The following ZC3H13 variants were observed in gnomAD, a reference collection of about 807,000 sequenced individuals.
ZC3H13 encodes zinc finger CCCH domain-containing protein 13.
Under a neutral mutation model 204.1 loss-of-function variants are expected in ZC3H13, and 64 were observed. The ratio of observed to expected loss-of-function variants is 0.31; its 90% CI spans 0.26 to 0.39. The LOEUF is 0.39. Among genes scored for constraint, ZC3H13 ranks in the 10% least tolerant of loss-of-function variants. The pLI is 1.00. For missense variants in ZC3H13, 1,833 were observed against 2,082.7 expected, an observed-to-expected ratio of 0.88 and a Z score of 2.33; for synonymous variants, 667 against 693.7, an observed-to-expected ratio of 0.96 and a Z score of 0.60.
chr13:46,007,380 G>A (rs577122397), intron 7 of ZC3H13, among the ~76,000 whole-genome samples: 7 of 152,074 alleles, frequency 4.6e-5, no homozygotes, highest in East Asian at 3.8e-4. Context: ...TGTACATCCC[G>A]TTCTTTGGTT....
chr13:46,027,410 C>G (rs2042609651), intron 4 of ZC3H13, among the ~76,000 whole-genome samples: 1 of 152,188 alleles, frequency 6.6e-6, no homozygotes, highest in Non-Finnish European at 1.5e-5. Context: ...CGGTGAGATA[C>G]TGTGTCTGGT....
chr13:46,016,014 CAG>C (rs942885577), intron 5 of ZC3H13, among the ~76,000 whole-genome samples: 2 of 151,668 alleles, frequency 1.3e-5, no homozygotes, highest in African/African-American at 4.8e-5. Context: ...GTACAATGGT[CAG>C]TGAACATGTG....
intron 7 of ZC3H13, among the ~76,000 whole-genome samples, chr13:46,007,057 G>A (rs2041208129): frequency 6.6e-6 from 1 of 151,996 alleles, no homozygotes; most frequent in Admixed American, 6.6e-5. Flanking sequence ...ATTAGCATCT[G>A]TATCAAAATT....
intron 15 of ZC3H13, among the ~76,000 whole-genome samples, chr13:45,966,837 G>T (rs1469651417): frequency 6.6e-6 from 1 of 152,056 alleles, no homozygotes; most frequent in Non-Finnish European, 1.5e-5. Flanking sequence ...TGAGATAAAA[G>T]AAAAAGGTCT....
intron 17 of ZC3H13, among the ~76,000 whole-genome samples, chr13:45,960,384 CTT>C (rs2137740163): frequency 6.6e-6 from 1 of 152,308 alleles, no homozygotes; most frequent in African/African-American, 2.4e-5. Context: ...GATTTCAAGA[CTT>C]TATTATAGCA....
chr13:46,016,007 C>G (rs1302033977), intron 5 of ZC3H13, among the ~76,000 whole-genome samples: 1 of 151,520 alleles, frequency 6.6e-6, no homozygotes, highest in Non-Finnish European at 1.5e-5. Context: ...ATAGGGTGTA[C>G]AATGGTCAGT....
At chr13:46,006,537 G>T (rs1791140167) in intron 7 of ZC3H13, among the ~76,000 whole-genome samples, 1 of 150,616 alleles carries the variant, frequency 6.6e-6, no homozygotes, top group Non-Finnish European at 1.5e-5. Context: ...TGCTCAGAGT[G>T]TTCAGTCTGG....
chr13:45,965,384 C>A lies in ZC3H13; in HGVS notation c.4370G>T (p.Gly1457Val). The change falls in exon 16 of 19, where the codon GGT (glycine) becomes GTT (valine). Residue 1457 changes from glycine (G) to valine (V), a missense_variant. Gly to Val is a moderately radical substitution (Grantham distance 109). Transcript: ENST00000679008. ...KLDDAHSLGS[G>V]AGEGYEPISD... is the part of the protein sequence containing the mutation. Reference sequence around the variant, plus strand: ...GATTGGCTCGTATCCTTCTCCAGCACCAGAGCCTAATGAATGTGCATCATC... The same window carrying A: ...GATTGGCTCGTATCCTTCTCCAGCAACAGAGCCTAATGAATGTGCATCATC... 4 of 1,613,606 alleles carry A rather than the reference C, an allele frequency of 2.5e-6. No individual in the cohort carries two copies. Among genetic ancestry groups the A allele is most frequent in the Non-Finnish European group, 3.4e-6 (4 of 1,179,750 alleles).
chr13:46,001,536 G>A lies in ZC3H13; in HGVS notation c.944+1603C>T, dbSNP rs199801495. 15 of 152,280 alleles carry A rather than the reference G, an allele frequency of 9.9e-5. No homozygotes were observed. In the East Asian group the frequency reaches 2.5e-3, roughly 25 times the overall value. The allele number at this position is 152,280 out of a possible 1,614,324, so 9.4% of individuals were successfully genotyped here. On this transcript the variant is annotated intron_variant, in intron 8 of 18. Coordinates refer to ENST00000679008, the MANE Select transcript of ZC3H13 (RefSeq NM_001330564.2). ...TTTGTCTACATACTAAATAACAGGT[G>A]AGTCCTATGCATACCATTTAGGGAT...
intron 8 of ZC3H13, among the ~76,000 whole-genome samples, chr13:45,991,410 C>T (rs1033790676): frequency 2.0e-5 from 3 of 152,174 alleles, no homozygotes; most frequent in Non-Finnish European, 2.9e-5. Context: ...CAAATAATGG[C>T]TTCAACTTTT....
intron 5 of ZC3H13, among the ~76,000 whole-genome samples, chr13:46,020,198 G>C (rs1012888269): frequency 1.3e-5 from 2 of 152,128 alleles, no homozygotes; most frequent in Non-Finnish European, 2.9e-5. Flanking sequence ...GGGCTGTAAT[G>C]CTGCACAATA....
chr13:45,962,172 T>C (rs1951737540), intron 17 of ZC3H13: 3 of 985,306 alleles, frequency 3.0e-6, no homozygotes, highest in African/African-American at 1.7e-5. Context: ...AATTAGACCT[T>C]GGATATGGCA....
chr13:46,044,783 T>C (rs1405172837), intron 3 of ZC3H13, among the ~76,000 whole-genome samples, 172 bp downstream of exon 3: 5 of 152,172 alleles, frequency 3.3e-5, no homozygotes, highest in African/African-American at 4.8e-5. Flanking sequence ...GCAAACATTT[T>C]ATTAATCTTG....
At chr13:45,982,075 C>T (rs867189804) in intron 10 of ZC3H13, among the ~76,000 whole-genome samples, 1 of 150,430 alleles carries the variant, frequency 6.6e-6, no homozygotes, top group Admixed American at 6.6e-5. Context: ...AAAAAAAGAA[C>T]ATATGACAAA....
chr13:46,003,185 T>C lies in ZC3H13; in HGVS notation c.898A>G (p.Arg300Gly). 1.2e-6 allele frequency: 2 copies of C among 1,612,978 alleles called. No individual in the cohort carries two copies. The highest frequency in any genetic ancestry group is 1.1e-5 in the South Asian group (1 of 90,780). The part of the protein sequence containing the change: ...IEEKTRDGKD[R>G]GRDFERQREK... ...CTTTGTCGTTCAAAATCTCGTCCTCTGTCCTTTCCATCTCTTGTTTTTTCT... is the reference window on the plus strand; with the variant it reads ...CTTTGTCGTTCAAAATCTCGTCCTCCGTCCTTTCCATCTCTTGTTTTTTCT... Residue 300 changes from arginine to glycine, a missense_variant, in exon 8 of 19, where the codon AGA becomes GGA. This residue lies in a region of ZC3H13 where 1,574 missense variants were observed against 1,757.2 expected (regional missense o/e 0.90). Coordinates refer to ENST00000679008, the MANE Select transcript of ZC3H13 (RefSeq NM_001330564.2).
At chr13:46,037,572 A>G (rs2043288663) in intron 4 of ZC3H13, among the ~76,000 whole-genome samples, 1 of 152,266 alleles carries the variant, frequency 6.6e-6, no homozygotes, top group South Asian at 2.1e-4. Flanking sequence ...AAATGAAAAT[A>G]CAATTCCATT....
rs753226441 is a variant in ZC3H13, at chr13:45,985,540, G to A, written c.1477C>T (p.Arg493Cys). The A allele has an allele frequency of 8.7e-6, 14 of 1,613,942 alleles. No homozygotes were observed. Among genetic ancestry groups the A allele is most frequent in the African/African-American group, 1.3e-5 (1 of 74,856 alleles). ...GTGGACCGAGAATCTCTGGGATCAC[G>A]GCTCTCTTTGGTATCTCTGCTATAA... is the stretch of plus-strand genomic sequence containing the variant. ...RDYSRDTKES[R>C]DPRDSRSTRD... The change falls in exon 10 of 19, where the codon CGT (arginine) becomes TGT (cysteine). Residue 493 changes from arginine to cysteine, a missense_variant. Coordinates refer to ENST00000679008, the MANE Select transcript of ZC3H13 (RefSeq NM_001330564.2).
chr13:46,033,656 T>C (rs2043035535), intron 4 of ZC3H13, among the ~76,000 whole-genome samples: 3 of 152,146 alleles, frequency 2.0e-5, no homozygotes, highest in Admixed American at 2.0e-4. Context: ...AATCTAGCGG[T>C]AAAAGCTTTC....
At chr13:46,039,878 C>T (rs765940039) in intron 4 of ZC3H13, among the ~76,000 whole-genome samples, 3 of 152,098 alleles carry the variant, frequency 2.0e-5, no homozygotes, top group Non-Finnish European at 2.9e-5. Context: ...TTGAAACTGA[C>T]CATGGTGGGA....
Sources: gnomAD v4.1 joint callset for allele counts (sites outside exome capture counted in the v4.1 genomes callset) on GRCh38, gnomAD v4.1.1 for gene constraint, gnomAD v4.1.1 regional missense constraint, MANE v1.5 for transcripts, NCBI Gene and HGNC (gene_info 2026-07-23, HGNC 2026-07-21) for gene names.